The following MYO10 variants were observed in gnomAD, a reference collection of about 807,000 sequenced individuals.
MYO10 encodes the protein myosin X.
In MYO10, 133 loss-of-function variants were observed where a neutral mutation model predicts 257.3. The observed-to-expected ratio is 0.52, with a 90% CI of 0.45 to 0.60. MYO10 has a LOEUF of 0.60. Ranked by LOEUF, MYO10 falls within the 20% of genes least tolerant of loss-of-function variation. The pLI is 0.00. For missense variants in MYO10, 2,399 were observed against 2,635.7 expected (o/e 0.91, Z 1.97); for synonymous variants, 1,104 against 1,028.6 (o/e 1.07, Z -1.40).
intron 3 of MYO10, among the ~76,000 whole-genome samples, chr5:16,799,884 C>T (rs2126686400): frequency 6.6e-6 from 1 of 152,268 alleles, no homozygotes. Flanking sequence ...GGTCACGCAG[C>T]TCACAAAAGG....
intron 17 of MYO10, among the ~76,000 whole-genome samples, chr5:16,758,987 T>A (rs540694354): frequency 3.3e-5 from 5 of 152,068 alleles, no homozygotes; most frequent in Non-Finnish European, 7.4e-5. Flanking sequence ...AGTGGTGCGA[T>A]CTCGGCTCAC....
chr5:16,772,764 G>A (rs1741093791), intron 9 of MYO10, among the ~76,000 whole-genome samples: 1 of 152,216 alleles, frequency 6.6e-6, no homozygotes, highest in Non-Finnish European at 1.5e-5. Flanking sequence ...ACCAAAAAAA[G>A]CAGTGAATAG....
chr5:16,733,456 AG>A, intron 19 of MYO10, among the ~76,000 whole-genome samples: 1 of 152,304 alleles, frequency 6.6e-6, no homozygotes, highest in East Asian at 1.9e-4. Flanking sequence ...AGAAAAAAAA[AG>A]TCACATGGAG....
intron 1 of MYO10, among the ~76,000 whole-genome samples, chr5:16,902,953 A>G (rs1180268302): frequency 1.3e-5 from 2 of 152,258 alleles, no homozygotes; most frequent in East Asian, 3.9e-4. Flanking sequence ...TGGCAAGGAC[A>G]TGGGCTTCTG....
intron 29 of MYO10, among the ~76,000 whole-genome samples, chr5:16,685,480 G>C (rs1016223083): frequency 6.6e-6 from 1 of 152,192 alleles, no homozygotes. Flanking sequence ...CCAAAGTGCT[G>C]GGACTACAGG....
At position 16,671,498 on chromosome 5, in the gene MYO10, T is replaced by C. The variant is rs760788952; in HGVS notation, c.5354A>G (p.Tyr1785Cys). 6.2e-6 allele frequency: 10 copies of C among 1,613,992 alleles called. No individual in the cohort carries two copies. The highest frequency in any genetic ancestry group is 2.2e-5 in the East Asian group (1 of 44,874). ...GTCCAGGAAGCAGTAAAGTTTGAAG[T>C]AGAATTTCCATGGCAGGTCCCCAAC... ...SEVGDLPWKF[Y>C]FKLYCFLDTD... The change falls in exon 38 of 41, where the codon TAC (tyrosine) becomes TGC (cysteine). Residue 1785 changes from tyrosine to cysteine, a missense_variant. By Grantham distance (194) the Tyr-to-Cys change is radical. Transcript: ENST00000513610.
intron 2 of MYO10, among the ~76,000 whole-genome samples, chr5:16,840,135 G>A (rs771189672): frequency 1.4e-4 from 21 of 152,132 alleles, no homozygotes; most frequent in Admixed American, 7.9e-4. Flanking sequence ...AGAACAGGCC[G>A]GGCATGGTGG....
intron 17 of MYO10, among the ~76,000 whole-genome samples, chr5:16,760,564 T>C (rs780347780): frequency 1.3e-5 from 2 of 152,130 alleles, no homozygotes; most frequent in Non-Finnish European, 2.9e-5. Context: ...TCTTTATTGA[T>C]TTAATGGTGT....
At chr5:16,872,830 A>G (rs1173477382) in intron 2 of MYO10, among the ~76,000 whole-genome samples, 3 of 152,316 alleles carry the variant, frequency 2.0e-5, no homozygotes, top group East Asian at 3.9e-4. Flanking sequence ...CTTTTTCACT[A>G]TCACAAGAAT....
intron 4 of MYO10, among the ~76,000 whole-genome samples, chr5:16,792,165 G>GA (rs1741785195): frequency 2.3e-4 from 28 of 123,906 alleles, no homozygotes; most frequent in African/African-American, 8.9e-4. Flanking sequence ...AGAGAGAGAG[G>GA]GAGAGACAGA....
chr5:16,929,906 A>G (rs1580162926), intron 1 of MYO10, among the ~76,000 whole-genome samples: 1 of 152,198 alleles, frequency 6.6e-6, no homozygotes, highest in African/African-American at 2.4e-5. Flanking sequence ...TATTGTCTTC[A>G]AAGAACTGTA....
chr5:16,702,535 C>G lies in MYO10; in HGVS notation c.2556+8G>C. 6.3e-7 allele frequency: 1 copy of G among 1,589,840 alleles called. No individual in the cohort carries two copies. ...CACAAGAGGCTAAGTTGTCACTGCA[C>G]TCATTACCTGCTGGGCGCGGAGCTC... On this transcript the variant is annotated splice_region_variant and intron_variant, in intron 24 of 40. Coordinates refer to ENST00000513610, the MANE Select transcript of MYO10 (RefSeq NM_012334.3).
chr5:16,840,399 G>A (rs1017918108), intron 2 of MYO10, among the ~76,000 whole-genome samples: 17 of 147,572 alleles, frequency 1.2e-4, no homozygotes, highest in Middle Eastern at 3.5e-3. Flanking sequence ...GCGACAGAGC[G>A]ACACTCCATC....
intron 4 of MYO10, among the ~76,000 whole-genome samples, chr5:16,791,478 A>AC (rs1741753678): frequency 6.6e-6 from 1 of 151,140 alleles, no homozygotes; most frequent in Admixed American, 6.6e-5. Flanking sequence ...TTTGGGATCC[A>AC]CCCCCCTCTC....
At chr5:16,800,889 T>C (rs1742101239) in intron 3 of MYO10, among the ~76,000 whole-genome samples, 1 of 152,144 alleles carries the variant, frequency 6.6e-6, no homozygotes, top group African/African-American at 2.4e-5. Context: ...AAGCCAGGCT[T>C]TTATTTTGCT....
At chr5:16,767,005 A>C (rs1044410598) in intron 10 of MYO10, among the ~76,000 whole-genome samples, 2 of 151,984 alleles carry the variant, frequency 1.3e-5, no homozygotes, top group African/African-American at 4.8e-5. Context: ...GATTACAAGC[A>C]TGAGCCACCA....
At chr5:16,737,679 G>A (rs1424193085) in intron 19 of MYO10, among the ~76,000 whole-genome samples, 1 of 152,212 alleles carries the variant, frequency 6.6e-6, no homozygotes, top group Non-Finnish European at 1.5e-5. Flanking sequence ...CAGCCCAGTG[G>A]TTTTCAAGAG....
intron 19 of MYO10, among the ~76,000 whole-genome samples, chr5:16,754,436 C>CA (rs1004953158): frequency 6.1e-5 from 9 of 147,086 alleles, no homozygotes; most frequent in African/African-American, 1.5e-4. Context: ...AACAATAAAG[C>CA]AAAAAAAAGA....
intron 2 of MYO10, among the ~76,000 whole-genome samples, chr5:16,871,903 G>A (rs975491546): frequency 2.0e-5 from 3 of 152,142 alleles, no homozygotes; most frequent in Admixed American, 2.0e-4. Context: ...TTATATTTGG[G>A]AATGACAGAG....
Sources: allele counts gnomAD v4.1 joint callset (sites outside exome capture counted in the v4.1 genomes callset), GRCh38; gene constraint gnomAD v4.1.1; transcripts MANE v1.5; gene names NCBI Gene and HGNC (gene_info 2026-07-23, HGNC 2026-07-21).